TADA2A: variants seen among roughly 807,000 people sequenced by gnomAD.
TADA2A encodes transcriptional adapter 2-alpha.
A neutral mutation model predicts 67.4 loss-of-function variants in TADA2A; 38 were observed. The ratio of observed to expected loss-of-function variants is 0.56; its 90% CI spans 0.44 to 0.74. The LOEUF is 0.74. Among genes scored for constraint, TADA2A ranks in the 30% least tolerant of loss-of-function variants. The probability of loss-of-function intolerance (pLI) is 0.00; values close to 1 mark genes in which losing one functional copy is unlikely to be tolerated. For synonymous variants in TADA2A, 192 were observed against 181.6 expected (o/e 1.06, Z -0.46); for missense variants, 454 against 547.0 (o/e 0.83, Z 1.70).
intron 8 of TADA2A, among the ~76,000 whole-genome samples, chr17:37,446,266 C>G (rs968740987): frequency 3.3e-5 from 5 of 152,130 alleles, no homozygotes; most frequent in African/African-American, 1.2e-4. Context: ...GTGTCAGTCT[C>G]GTCAATCCCA....
At chr17:37,444,833 T>C in intron 8 of TADA2A, 65 bp downstream of exon 8, 1 of 1,450,810 alleles carries the variant, frequency 6.9e-7, no homozygotes, top group Non-Finnish European at 9.7e-7. Flanking sequence ...TCTTGGGTGC[T>C]AGGAATTGAA....
At chr17:37,437,657 G>T in intron 4 of TADA2A, 81 bp from the exon 5 acceptor site, 4 of 1,265,008 alleles carry the variant, frequency 3.2e-6, no homozygotes, top group South Asian at 1.2e-5. Context: ...AAAGTGCTGG[G>T]AGTATAGGCG....
At chr17:37,454,887 AGATGGT>A in intron 8 of TADA2A, 1 of 218,460 alleles carries the variant, frequency 4.6e-6, no homozygotes, top group Non-Finnish European at 1.0e-5. Flanking sequence ...TCTACACAAA[AGATGGT>A]GAAGCCTGTG....
At position 37,477,549 on chromosome 17, in the gene TADA2A, C is replaced by T. The variant is rs566146852; in HGVS notation, c.*567C>T. On this transcript the variant is annotated 3_prime_UTR_variant, in exon 16 of 16. Coordinates refer to ENST00000615182, the MANE Select transcript of TADA2A (RefSeq NM_001166105.3). ...GCAAGATCTCAGCTCACTACAACCT[C>T]TGCCTCCCAGGTTCAAGTGATTCTC... 6.6e-6 allele frequency: 1 copy of T among 151,434 alleles called. No individual in the cohort carries two copies. Among genetic ancestry groups the T allele is most frequent in the Admixed American group, 6.6e-5 (1 of 15,196 alleles). The allele number at this position is 151,434 out of a possible 1,614,324, so 9.4% of individuals were successfully genotyped here. A position where few individuals can be genotyped will look rare whatever the true frequency, so the allele number is the denominator to read the frequency against.
intron 10 of TADA2A, 23 bp from the exon 11 acceptor site, chr17:37,465,408 T>G: frequency 1.2e-5 from 18 of 1,540,054 alleles, no homozygotes; most frequent in Non-Finnish European, 1.4e-5. Context: ...CCATGACACA[T>G]TTATGTTTTA....
chr17:37,470,951 A>T, intron 13 of TADA2A, 143 bp from the exon 14 acceptor site: 1 of 783,916 alleles, frequency 1.3e-6, no homozygotes, highest in South Asian at 1.6e-5. Flanking sequence ...ATACAGTGAG[A>T]TATCTGTAAA....
chr17:37,444,621 A>G (rs1253132955), intron 7 of TADA2A, 75 bp from the exon 8 acceptor site: 1 of 1,262,946 alleles, frequency 7.9e-7, no homozygotes, highest in Non-Finnish European at 1.1e-6. Context: ...GTTTACTTCT[A>G]AAGCATGGCT....
At chr17:37,422,820 C>T (rs1373850004) in intron 2 of TADA2A, among the ~76,000 whole-genome samples, 2 of 152,132 alleles carry the variant, frequency 1.3e-5, no homozygotes, top group Admixed American at 6.6e-5. Context: ...TATTTATATG[C>T]TTGCTACCTA....
At chr17:37,452,652 A>G (rs1004440318) in intron 8 of TADA2A, among the ~76,000 whole-genome samples, 1 of 152,188 alleles carries the variant, frequency 6.6e-6, no homozygotes, top group Non-Finnish European at 1.5e-5. Flanking sequence ...TCTAAAGCCC[A>G]TCATTCCACA....
At chr17:37,435,075 C>T (rs1043417446) in intron 4 of TADA2A, among the ~76,000 whole-genome samples, 6 of 152,090 alleles carry the variant, frequency 3.9e-5, no homozygotes, top group South Asian at 2.1e-4. Flanking sequence ...GGAGAAACCC[C>T]GTCTCTACTA....
rs569011954 is a variant in TADA2A, at chr17:37,475,234, C to T, written c.1146+605C>T. Among the ~76,000 whole-genome samples, 244 of 142,988 alleles carry T rather than the reference C, an allele frequency of 1.7e-3. 1 individual carries two copies. The highest frequency in any genetic ancestry group is 2.9e-3 in the Non-Finnish European group (187 of 65,356). The allele number at this position is 142,988 out of a possible 152,430, so 93.8% of individuals were successfully genotyped here. ...TCACCCAGGCTGGAGTGCAGTGATG[C>T]GATCACAGCTCACTGCAGCCTCCAC... On this transcript the variant is annotated intron_variant, in intron 15 of 15. Transcript: ENST00000615182.
chr17:37,438,074 C>T, intron 5 of TADA2A: 1 of 417,672 alleles, frequency 2.4e-6, no homozygotes, highest in Admixed American at 4.0e-5. Flanking sequence ...GATGTATCAA[C>T]AGTGGGAAGA....
chr17:37,416,392 A>G (rs1204450024), intron 2 of TADA2A, among the ~76,000 whole-genome samples: 2 of 151,744 alleles, frequency 1.3e-5, no homozygotes, highest in Admixed American at 6.6e-5. Flanking sequence ...TCAATTTTTT[A>G]AAGTTGTTTG....
At chr17:37,433,708 T>C (rs891394586) in intron 4 of TADA2A, among the ~76,000 whole-genome samples, 9 of 151,706 alleles carry the variant, frequency 5.9e-5, no homozygotes, top group African/African-American at 1.9e-4. Flanking sequence ...ATCCCAGCAT[T>C]TTGGGAGGCC....
chr17:37,433,568 A>C (rs1261479966), intron 4 of TADA2A, among the ~76,000 whole-genome samples: 5 of 152,040 alleles, frequency 3.3e-5, no homozygotes, highest in African/African-American at 1.2e-4. Flanking sequence ...TGGAGGCAGG[A>C]GGATTGCTTG....
intron 11 of TADA2A, among the ~76,000 whole-genome samples, chr17:37,467,152 C>CA (rs1568182306): frequency 6.7e-6 from 1 of 148,778 alleles, no homozygotes; most frequent in Admixed American, 6.7e-5. Context: ...GACTCTGTCT[C>CA]AAAAAAAGAA....
chr17:37,467,351 G>GTTCC (rs1343895133), intron 11 of TADA2A, 103 bp from the exon 12 acceptor site: 14 of 900,348 alleles, frequency 1.6e-5, no homozygotes, highest in Non-Finnish European at 2.4e-5. Context: ...AACTTCCCTA[G>GTTCC]TCTTATAAGG....
chr17:37,410,325 A>G (rs144156461), intron 1 of TADA2A, among the ~76,000 whole-genome samples: 2 of 147,138 alleles, frequency 1.4e-5, no homozygotes, highest in African/African-American at 2.5e-5. Flanking sequence ...AGCATGGGCC[A>G]CTGTACCCGG....
chr17:37,465,630 T>G (rs1009989424), intron 11 of TADA2A, 89 bp downstream of exon 11: 1 of 1,550,260 alleles, frequency 6.5e-7, no homozygotes, highest in African/African-American at 1.4e-5. Context: ...TGAAGTTCTA[T>G]AAATAAATAA....
Sources: gnomAD v4.1 joint callset for allele counts (sites outside exome capture counted in the v4.1 genomes callset) on GRCh38, gnomAD v4.1.1 for gene constraint, MANE v1.5 for transcripts, NCBI Gene and HGNC (gene_info 2026-07-23, HGNC 2026-07-21) for gene names.